The following NOVA1 variants were observed in gnomAD, a reference collection of about 807,000 sequenced individuals.
The protein encoded by NOVA1 is NOVA alternative splicing regulator 1.
A neutral mutation model predicts 38.0 loss-of-function variants in NOVA1; 7 were observed. The observed-to-expected ratio is 0.18, with a 90% CI of 0.10 to 0.35. The LOEUF (loss-of-function observed/expected upper bound fraction) is 0.35. NOVA1 is among the 10% of genes least tolerant of loss of function. The pLI, the probability that NOVA1 is intolerant of heterozygous loss-of-function variation, is 1.00. For missense variants in NOVA1, 460 were observed against 616.0 expected (o/e 0.75, Z 2.68); for synonymous variants, 270 against 232.5 (o/e 1.16, Z -1.47).
At chr14:26,519,903 T>G (rs1888749424) in intron 2 of NOVA1, among the ~76,000 whole-genome samples, 1 of 152,080 alleles carries the variant, frequency 6.6e-6, no homozygotes, top group Non-Finnish European at 1.5e-5. Context: ...ATGCAAGAAA[T>G]AATGAAGAAT....
intron 2 of NOVA1, among the ~76,000 whole-genome samples, chr14:26,493,031 C>T (rs1177078108): frequency 6.6e-6 from 1 of 152,134 alleles, no homozygotes; most frequent in African/African-American, 2.4e-5. Flanking sequence ...GAAGGCAAAG[C>T]TCAGAAATTC....
At chr14:26,515,703 A>G (rs1041725323) in intron 2 of NOVA1, among the ~76,000 whole-genome samples, 2 of 152,054 alleles carry the variant, frequency 1.3e-5, no homozygotes, top group Non-Finnish European at 2.9e-5. Flanking sequence ...AAAAGCAAGT[A>G]CTGGTTACGT....
In NOVA1 at chr14:26,443,637, A is replaced by G. The variant is rs1000448002; in HGVS notation, c.*4322T>C. The G allele has an allele frequency of 6.6e-6, 1 of 152,262 alleles. No individual in the cohort carries two copies. Among genetic ancestry groups the G allele is most frequent in the African/African-American group, 2.4e-5 (1 of 41,408 alleles). 9.4% of individuals were successfully genotyped at this position (152,262 alleles called of 1,614,324 possible). Reference sequence around the variant, plus strand: ...TCCAAATATAATCTGTTAAAGTAATATGATACTTACCCTTTATGTAAAAAG... The same window carrying G: ...TCCAAATATAATCTGTTAAAGTAATGTGATACTTACCCTTTATGTAAAAAG... On this transcript the variant is annotated 3_prime_UTR_variant, in exon 5 of 5. Coordinates refer to ENST00000539517, the MANE Select transcript of NOVA1 (RefSeq NM_002515.3).
At chr14:26,511,952 C>A (rs1227590425) in intron 2 of NOVA1, among the ~76,000 whole-genome samples, 1 of 152,056 alleles carries the variant, frequency 6.6e-6, no homozygotes, top group Admixed American at 6.6e-5. Context: ...CAATAATATA[C>A]ATCATGGATT....
intron 2 of NOVA1, among the ~76,000 whole-genome samples, chr14:26,539,723 G>A (rs1454634957): frequency 6.6e-6 from 1 of 151,642 alleles, no homozygotes; most frequent in Non-Finnish European, 1.5e-5. Flanking sequence ...ATATAACACT[G>A]ACAACTCAAA....
chr14:26,450,473 T>A (rs1052947202), intron 4 of NOVA1, among the ~76,000 whole-genome samples: 2 of 152,130 alleles, frequency 1.3e-5, no homozygotes. Context: ...CATTACAATT[T>A]ATTAATACAA....
rs555190749 is a variant in NOVA1 at position 26,510,892 on chromosome 14, A to G, written c.281-30749T>C. ...TTTTTAAAATTAACATAATATTCAA[A>G]TAATATTTCTCATTGGTGGATAATG... On this transcript the variant is annotated intron_variant, in intron 2 of 4. Transcript: ENST00000539517. 4.1e-4 allele frequency among the ~76,000 whole-genome samples: 62 copies of G among 152,360 alleles called. No individual in the cohort carries two copies. The South Asian group carries it at 0.012, about 31-fold the overall frequency.
intron 2 of NOVA1, among the ~76,000 whole-genome samples, chr14:26,553,321 T>C (rs1181822298): frequency 6.6e-6 from 1 of 152,206 alleles, no homozygotes; most frequent in Non-Finnish European, 1.5e-5. Context: ...CCTTCCTTAG[T>C]TCTTCCTTAT....
At position 26,584,319 on chromosome 14, in the gene NOVA1, C is replaced by T. The variant is rs897602569; in HGVS notation, c.280+11091G>A. 2.6e-5 allele frequency among the ~76,000 whole-genome samples: 4 copies of T among 151,430 alleles called. No homozygotes were observed. The Admixed American group carries it at 2.6e-4, about 10-fold the overall frequency. On this transcript the variant is annotated intron_variant, in intron 2 of 4. Transcript: ENST00000539517. ...TATTTCCTAAGCAGAAAGCCAGAAT[C>T]CAATCGTATACTCAATTATACTTTT...
At chr14:26,549,382 T>C (rs998235252) in intron 2 of NOVA1, 5 of 151,266 alleles carry the variant, frequency 3.3e-5, no homozygotes, top group Non-Finnish European at 5.9e-5. Flanking sequence ...TGAAATCTTA[T>C]AATATTGATT....
chr14:26,594,283 A>T (rs1048146881), intron 2 of NOVA1: 1 of 152,002 alleles, frequency 6.6e-6, no homozygotes, highest in African/African-American at 2.4e-5. Context: ...AAACCTTCTT[A>T]TCCAGTATAA....
At chr14:26,562,060 T>C (rs1027140895) in intron 2 of NOVA1, among the ~76,000 whole-genome samples, 3 of 152,216 alleles carry the variant, frequency 2.0e-5, no homozygotes, top group Non-Finnish European at 2.9e-5. Flanking sequence ...TATAAGCTGC[T>C]AGGTTTTTGT....
At chr14:26,568,127 GT>G (rs1485578822) in intron 2 of NOVA1, among the ~76,000 whole-genome samples, 4 of 152,152 alleles carry the variant, frequency 2.6e-5, no homozygotes, top group Admixed American at 6.5e-5. Flanking sequence ...AACAGAAAAT[GT>G]TTTACAGTAG....
chr14:26,554,934 T>G (rs1891390059), intron 2 of NOVA1, among the ~76,000 whole-genome samples: 1 of 152,126 alleles, frequency 6.6e-6, no homozygotes, highest in Non-Finnish European at 1.5e-5. Flanking sequence ...AACAGTAATA[T>G]TAAGCAATTA....
chr14:26,470,513 A>G, intron 4 of NOVA1: 2 of 1,465,192 alleles, frequency 1.4e-6, no homozygotes, highest in Non-Finnish European at 1.9e-6. Flanking sequence ...ACAGAAGAAA[A>G]CAGAGTATAA....
intron 2 of NOVA1, among the ~76,000 whole-genome samples, chr14:26,527,061 C>CCA (rs1169226106): frequency 8.1e-5 from 8 of 98,514 alleles, no homozygotes; most frequent in Non-Finnish European, 6.7e-5. Context: ...GTGCTCTGGG[C>CCA]CACTGCAGCT....
intron 2 of NOVA1, among the ~76,000 whole-genome samples, chr14:26,585,605 A>G (rs1009751580): frequency 2.6e-5 from 4 of 151,354 alleles, no homozygotes; most frequent in African/African-American, 9.7e-5. Context: ...GGCCATAAAT[A>G]AACTACAATG....
chr14:26,573,725 AAATCTGTT>A (rs540844806), intron 2 of NOVA1, among the ~76,000 whole-genome samples: 280 of 152,316 alleles, frequency 1.8e-3, no homozygotes, highest in African/African-American at 6.0e-3. Context: ...TACAGAGTAT[AAATCTGTT>A]GGGGTGAGTT....
chr14:26,563,794 G>T (rs1836363618), intron 2 of NOVA1, among the ~76,000 whole-genome samples: 1 of 152,094 alleles, frequency 6.6e-6, no homozygotes, highest in South Asian at 2.1e-4. Flanking sequence ...TAGCACTGGA[G>T]AAACAGTATA....
Sources: gnomAD v4.1 joint callset for allele counts (sites outside exome capture counted in the v4.1 genomes callset) on GRCh38, gnomAD v4.1.1 for gene constraint, MANE v1.5 for transcripts, NCBI Gene and HGNC (gene_info 2026-07-23, HGNC 2026-07-21) for gene names.